DNM2: variants seen among roughly 807,000 people sequenced by gnomAD.
The protein encoded by DNM2 is dynamin-2.
DNM2 carries 15 observed loss-of-function variants against 99.0 expected under a neutral mutation model. The ratio of observed to expected loss-of-function variants is 0.15; its 90% CI spans 0.10 to 0.23. The LOEUF (loss-of-function observed/expected upper bound fraction) is 0.23. DNM2 is among the 10% of genes least tolerant of loss of function. The pLI is 1.00. For missense variants in DNM2, 742 were observed against 1,189.4 expected, an observed-to-expected ratio of 0.62 and a Z score of 5.53; for synonymous variants, 525 against 481.2, an observed-to-expected ratio of 1.09 and a Z score of -1.19.
At chr19:10,745,412 G>T (rs111451603) in intron 1 of DNM2, among the ~76,000 whole-genome samples, 1,538 of 152,322 alleles carry the variant, frequency 0.01, 20 homozygotes, top group African/African-American at 0.035. Context: ...CCCTCAAGGT[G>T]TTGATATTCT....
intron 1 of DNM2, among the ~76,000 whole-genome samples, chr19:10,748,164 A>G (rs2070061578): frequency 6.6e-6 from 1 of 152,092 alleles, no homozygotes; most frequent in Non-Finnish European, 1.5e-5. Context: ...GCCCATAACA[A>G]AGGGGTTTAC....
chr19:10,801,906 A>G (rs1324073003), intron 11 of DNM2, among the ~76,000 whole-genome samples: 1 of 138,616 alleles, frequency 7.2e-6, no homozygotes, highest in Non-Finnish European at 1.6e-5. Context: ...CTCCGTCTCG[A>G]AGAAAAAAAA....
At chr19:10,815,391 G>A (rs1218165008) in intron 15 of DNM2, among the ~76,000 whole-genome samples, 3 of 152,188 alleles carry the variant, frequency 2.0e-5, no homozygotes, top group Non-Finnish European at 2.9e-5. Flanking sequence ...CAGGATATTG[G>A]TTGGGTGGTG....
intron 1 of DNM2, among the ~76,000 whole-genome samples, chr19:10,741,900 A>ACCTTCCTCTTTC (rs2069766019): frequency 8.4e-6 from 1 of 119,706 alleles, no homozygotes; most frequent in African/African-American, 3.6e-5. Flanking sequence ...CTTCCTCTTT[A>ACCTTCCTCTTTC]CCTTCCTCTT....
intron 7 of DNM2, among the ~76,000 whole-genome samples, chr19:10,792,586 C>A (rs1029323458): frequency 9.2e-5 from 14 of 152,098 alleles, no homozygotes; most frequent in African/African-American, 2.9e-4. Context: ...CAATTGTTTA[C>A]CAACAAAAAT....
In DNM2 at chr19:10,765,082, G is replaced by C. The variant is rs963498577; in HGVS notation, c.235+5271G>C. On this transcript the variant is annotated intron_variant, in intron 2 of 20. Coordinates refer to ENST00000389253, the MANE Select transcript of DNM2 (RefSeq NM_001005361.3). This position sits in a 1 kb window ranked among gnomAD's most constrained non-coding sequence, Gnocchi z 4.4. The stretch of plus-strand genomic sequence containing the variant: ...ACACCATGCTCCTGTCTCAGCCTCC[G>C]GCGTAGCTGGGACTACAGGCGCCCG... Among the ~76,000 whole-genome samples, 1 of 151,026 alleles carries C rather than the reference G, an allele frequency of 6.6e-6. No homozygotes were observed. Among genetic ancestry groups the C allele is most frequent in the Non-Finnish European group, 1.5e-5 (1 of 67,876 alleles).
At position 10,742,963 on chromosome 19, in the gene DNM2, T is replaced by C. The variant is rs1249503114; in HGVS notation, c.162-16775T>C. 3.3e-5 allele frequency among the ~76,000 whole-genome samples: 5 copies of C among 150,434 alleles called. No individual in the cohort carries two copies. In the South Asian group the frequency reaches 1.1e-3, roughly 32 times the overall value. On this transcript the variant is annotated intron_variant, in intron 1 of 20. Coordinates refer to ENST00000389253, the MANE Select transcript of DNM2 (RefSeq NM_001005361.3). ...GAGTCTCCCTCTGTCATGCAGGTTG[T>C]GGTGCAGTGGCTCAGTCTCCGCTGA...
At chr19:10,825,268 C>T (rs762287905) in intron 18 of DNM2, 47 bp downstream of exon 18, 8 of 1,609,122 alleles carry the variant, frequency 5.0e-6, no homozygotes, top group Non-Finnish European at 6.8e-6. Context: ...GGTGCGGTGG[C>T]TCACGCCTGT....
At chr19:10,727,521 A>C (rs1478406046) in intron 1 of DNM2, among the ~76,000 whole-genome samples, 2 of 151,448 alleles carry the variant, frequency 1.3e-5, no homozygotes, top group Admixed American at 6.6e-5. Flanking sequence ...GTGCGCCACC[A>C]CCCCCAGCTA....
Position 10,780,025 on chromosome 19 carries a change from T to G in DNM2, c.688+2809T>G, listed in dbSNP as rs147773032. 3.6e-3 allele frequency among the ~76,000 whole-genome samples: 543 copies of G among 152,228 alleles called. 3 individuals carry two copies. The highest frequency in any genetic ancestry group is 0.012 in the African/African-American group (508 of 41,550). On this transcript the variant is annotated intron_variant, in intron 5 of 20. Coordinates refer to ENST00000389253, the MANE Select transcript of DNM2 (RefSeq NM_001005361.3). ...CTAAGCTGCGGGCACCTCCTGCCTTTCCCTTCATGCTTAGCCGCAGTCATT... is the reference window on the plus strand; with the variant it reads ...CTAAGCTGCGGGCACCTCCTGCCTTGCCCTTCATGCTTAGCCGCAGTCATT...
rs532640325 is a variant in DNM2, at chr19:10,720,142, CA to C, written c.161+1740del. On this transcript the variant is annotated intron_variant, in intron 1 of 20. Transcript: ENST00000389253. ...CTCTTTCACTTGCCTTGTGACCTTG[CA>C]CAGGTTGTCTTGGCCTCTCTAAGTC... Among the ~76,000 whole-genome samples the C allele has an allele frequency of 1.1e-3, 172 of 152,224 alleles. 5 individuals carry two copies. In the South Asian group the frequency reaches 0.027, roughly 24 times the overall value.
chr19:10,823,705 C>T (rs2146180582), intron 16 of DNM2, 83 bp from the exon 17 acceptor site: 2 of 1,386,928 alleles, frequency 1.4e-6, no homozygotes, highest in Non-Finnish European at 2.1e-6. Context: ...GTCAGAAAGA[C>T]CCCTAGAGCC....
intron 6 of DNM2, 157 bp from the exon 7 acceptor site, chr19:10,786,407 G>A (rs1199872804): frequency 1.6e-6 from 2 of 1,213,428 alleles, no homozygotes; most frequent in East Asian, 4.9e-5. Context: ...GAGTGTGTCT[G>A]TGGCTTGATT....
At position 10,758,826 on chromosome 19, in the gene DNM2, G is replaced by A. The variant is rs945813255; in HGVS notation, c.162-912G>A. Among the ~76,000 whole-genome samples the A allele has an allele frequency of 5.3e-5, 8 of 152,160 alleles. 1 individual carries two copies. Among genetic ancestry groups the A allele is most frequent in the Admixed American group, 5.2e-4 (8 of 15,274 alleles). On this transcript the variant is annotated intron_variant, in intron 1 of 20. Coordinates refer to ENST00000389253, the MANE Select transcript of DNM2 (RefSeq NM_001005361.3). The stretch of plus-strand genomic sequence containing the variant: ...CCTCCCCAAAGTGCTGAGGTTACAG[G>A]CCTGTGCCACTGCACCCGGCCAGGA...
intron 7 of DNM2, among the ~76,000 whole-genome samples, chr19:10,789,055 G>A (rs947568622): frequency 1.4e-4 from 22 of 152,162 alleles, no homozygotes; most frequent in African/African-American, 2.2e-4. Flanking sequence ...ATTCATAGCC[G>A]GGGATGGTGG....
At chr19:10,778,049 T>TTATC (rs1459626572) in intron 5 of DNM2, among the ~76,000 whole-genome samples, 1 of 150,948 alleles carries the variant, frequency 6.6e-6, no homozygotes, top group Non-Finnish European at 1.5e-5. Context: ...ATTTATTTAT[T>TTATC]TATTTATGAG....
chr19:10,785,702 G>A (rs2071535575), intron 6 of DNM2, among the ~76,000 whole-genome samples: 1 of 152,234 alleles, frequency 6.6e-6, no homozygotes, highest in South Asian at 2.1e-4. Flanking sequence ...CTCCCCAAGT[G>A]CTAGGATTAC....
intron 1 of DNM2, among the ~76,000 whole-genome samples, chr19:10,746,813 T>C (rs896616948): frequency 7.2e-6 from 1 of 139,828 alleles, no homozygotes; most frequent in Non-Finnish European, 1.5e-5. Context: ...CTCAGCTCAC[T>C]GTGACCTCTG....
Position 10,745,445 on chromosome 19 carries a change from A to T in DNM2, c.162-14293A>T, listed in dbSNP as rs2069930738. Reference sequence around the variant, plus strand: ...TCTAGTTGGGACTGTTAGATAAATGAGCAATTAGGCTGGGCACGCTTGAAA... The same window carrying T: ...TCTAGTTGGGACTGTTAGATAAATGTGCAATTAGGCTGGGCACGCTTGAAA... On this transcript the variant is annotated intron_variant, in intron 1 of 20. Transcript: ENST00000389253. Among the ~76,000 whole-genome samples the T allele has an allele frequency of 2.0e-5, 3 of 152,182 alleles. No individual in the cohort carries two copies. In the South Asian group the frequency reaches 6.2e-4, roughly 32 times the overall value.
Sources: gnomAD v4.1 joint callset for allele counts (sites outside exome capture counted in the v4.1 genomes callset) on GRCh38, gnomAD v4.1.1 for gene constraint, Gnocchi (gnomAD v3.1) non-coding constraint, MANE v1.5 for transcripts, NCBI Gene and HGNC (gene_info 2026-07-23, HGNC 2026-07-21) for gene names.